Variants in TRAF7 observed in about 807,000 individuals in gnomAD.
The protein encoded by TRAF7 is TNF receptor associated factor 7, also known as E3 ubiquitin-protein ligase TRAF7.
Under a neutral mutation model 89.3 loss-of-function variants are expected in TRAF7, and 45 were observed. The observed-to-expected ratio is 0.50, with a 90% CI of 0.40 to 0.65. TRAF7 has a LOEUF of 0.65. Among genes scored for constraint, TRAF7 ranks in the 30% least tolerant of loss-of-function variants. TRAF7 has a pLI of 0.00. For synonymous variants in TRAF7, 406 were observed against 369.2 expected, an observed-to-expected ratio of 1.10 and a Z score of -1.14; for missense variants, 677 against 918.1, an observed-to-expected ratio of 0.74 and a Z score of 3.39.
rs200143137 is a variant in TRAF7 at position 2,167,931 on chromosome 16, TC to T, written c.140-143del. The T allele has an allele frequency of 2.0e-3, 1,347 of 670,730 alleles. 15 individuals are homozygous for T. The African/African-American group carries it at 0.021, about 11-fold the overall frequency. 41.5% of individuals were successfully genotyped at this position (670,730 alleles called of 1,614,324 possible). A position where few individuals can be genotyped will look rare whatever the true frequency, so the allele number is the denominator to read the frequency against. On this transcript the variant is annotated intron_variant, in intron 3 of 20. Coordinates refer to ENST00000326181, the MANE Select transcript of TRAF7 (RefSeq NM_032271.3). Reference sequence around the variant, plus strand: ...GGGAACCCAAGCTTCCCCCGTGCCATCCCTGCATGCTTTCCTGCCTGCCTGG... The same window carrying T: ...GGGAACCCAAGCTTCCCCCGTGCCATCCTGCATGCTTTCCTGCCTGCCTGG...
chr16:2,168,082 G>A lies in TRAF7; in HGVS notation c.145G>A (p.Gly49Arg), dbSNP rs745522760. 18 of 1,611,254 alleles carry A rather than the reference G, an allele frequency of 1.1e-5. No individual in the cohort carries two copies. The highest frequency in any genetic ancestry group is 4.5e-5 in the East Asian group (2 of 44,874). Residue 49 changes from glycine to arginine, a missense_variant, in exon 4 of 21, where the codon GGG becomes AGG. Around this residue, in one of 6 missense-constraint regions of TRAF7, gnomAD observed 240 missense variants for 191.9 expected, o/e 1.25. Transcript: ENST00000326181. The surrounding 1 kb of genome is among the most constrained non-coding windows in gnomAD (Gnocchi z 4.1). ...CCAGCCCTCTTGCCTTGCAGCTGAC[G>A]GGACCAGCACCTACAAGCAGCACTG... ...SAVTTITKAD[G>R]TSTYKQHCRT...
At chr16:2,173,862 C>CCCCCCCCCCCCCCCCCCG in intron 12 of TRAF7, 26 bp downstream of exon 12, 1 of 648,074 alleles carries the variant, frequency 1.5e-6, no homozygotes, top group Non-Finnish European at 2.7e-6. Context: ...CCGTGGCTCC[C>CCCCCCCCCCCCCCCCCCG]GCCCACCCTC....
At chr16:2,176,430 G>A (rs1334484206) in intron 20 of TRAF7, 46 bp downstream of exon 20, 1 of 1,611,992 alleles carries the variant, frequency 6.2e-7, no homozygotes, top group Non-Finnish European at 8.5e-7. Flanking sequence ...GCACAGGATG[G>A]AGCGGGGGTG....
At position 2,158,768 on chromosome 16, in the gene TRAF7, CGGG is replaced by C. The variant is rs71148123; in HGVS notation, c.-39+2921_-39+2923del. Among the ~76,000 whole-genome samples, 149 of 50,898 alleles carry C rather than the reference CGGG, an allele frequency of 2.9e-3. 1 individual carries two copies. Among genetic ancestry groups the C allele is most frequent in the African/African-American group, 0.012 (134 of 11,520 alleles). 33.4% of individuals were successfully genotyped at this position (50,898 alleles called of 152,430 possible). On this transcript the variant is annotated intron_variant, in intron 1 of 20. Coordinates refer to ENST00000326181, the MANE Select transcript of TRAF7 (RefSeq NM_032271.3). The surrounding 1 kb of genome is among the most constrained non-coding windows in gnomAD (Gnocchi z 4.7). ...GTGGGACTGGGAAGCGTGGGCTCGG[CGGG>C]GGGGGGGGGGACACTGCCACCCTTG...
intron 5 of TRAF7, 99 bp downstream of exon 5, chr16:2,170,829 G>A: frequency 8.5e-7 from 1 of 1,172,462 alleles, no homozygotes; most frequent in Non-Finnish European, 1.2e-6. Flanking sequence ...CCAGCTCACA[G>A]GGAGAGGGCG....
Position 2,159,471 on chromosome 16 carries a change from C to T in TRAF7, c.-39+3613C>T, listed in dbSNP as rs189804471. ...CGTTCTAAGGGACGTCAGGGAACAGCGGCGGAAGTGCGTGTGGCTTTGCTA... is the reference window on the plus strand; with the variant it reads ...CGTTCTAAGGGACGTCAGGGAACAGTGGCGGAAGTGCGTGTGGCTTTGCTA... On this transcript the variant is annotated intron_variant, in intron 1 of 20. Transcript: ENST00000326181. The surrounding 1 kb of genome is among the most constrained non-coding windows in gnomAD (Gnocchi z 6.5). 1.6e-4 allele frequency among the ~76,000 whole-genome samples: 24 copies of T among 152,300 alleles called. No homozygotes were observed. In the East Asian group the frequency reaches 4.6e-3, roughly 29 times the overall value.
rs1437970677 is a variant in TRAF7 at position 2,158,302 on chromosome 16, CT to C, written c.-39+2445del. On this transcript the variant is annotated intron_variant, in intron 1 of 20. Transcript: ENST00000326181. The surrounding 1 kb of genome is among the most constrained non-coding windows in gnomAD (Gnocchi z 4.7). ...CCCTTAGTCTTTGACAGATCCGCTG[CT>C]GTCCCCAGCCTTGCTCCCTGGAGGA... Among the ~76,000 whole-genome samples the C allele has an allele frequency of 6.6e-6, 1 of 152,228 alleles. No individual in the cohort carries two copies. Among genetic ancestry groups the C allele is most frequent in the Non-Finnish European group, 1.5e-5 (1 of 68,042 alleles).
intron 3 of TRAF7, among the ~76,000 whole-genome samples, chr16:2,167,478 G>A (rs968370477): frequency 6.6e-5 from 10 of 152,130 alleles, no homozygotes; most frequent in African/African-American, 2.4e-4. Flanking sequence ...GTGGGCAGGA[G>A]GAGGGAGGGC....
chr16:2,173,862 C>CCCCCCCCCCCCCCCCCCCGG, intron 12 of TRAF7, 26 bp downstream of exon 12: 1 of 648,072 alleles, frequency 1.5e-6, no homozygotes, highest in Non-Finnish European at 2.7e-6. Context: ...CCGTGGCTCC[C>CCCCCCCCCCCCCCCCCCCGG]GCCCACCCTC....
intron 14 of TRAF7, 107 bp from the exon 15 acceptor site, chr16:2,175,004 C>T (rs1475586177): frequency 7.9e-5 from 109 of 1,385,386 alleles, no homozygotes; most frequent in Non-Finnish European, 9.8e-5. Flanking sequence ...TGGCCCTGGG[C>T]CATGCTGCTG....
intron 1 of TRAF7, among the ~76,000 whole-genome samples, chr16:2,160,380 G>T (rs1277586998): frequency 5.3e-5 from 8 of 151,754 alleles, no homozygotes; most frequent in African/African-American, 1.2e-4. Context: ...TTCAAAGATC[G>T]AATACTCCTG....
chr16:2,159,744 C>G lies in TRAF7; in HGVS notation c.-39+3886C>G, dbSNP rs2093049874. Among the ~76,000 whole-genome samples, 1 of 152,212 alleles carries G rather than the reference C, an allele frequency of 6.6e-6. No homozygotes were observed. Among genetic ancestry groups the G allele is most frequent in the Non-Finnish European group, 1.5e-5 (1 of 68,022 alleles). Reference sequence around the variant, plus strand: ...GCAGTTGCAGGCCTCACAGGCACACCCACCCATGGCTTGCGCCCCACACAT... The same window carrying G: ...GCAGTTGCAGGCCTCACAGGCACACGCACCCATGGCTTGCGCCCCACACAT... On this transcript the variant is annotated intron_variant, in intron 1 of 20. Transcript: ENST00000326181. The surrounding 1 kb of genome is among the most constrained non-coding windows in gnomAD (Gnocchi z 6.5).
rs989138669 is a variant in TRAF7, at chr16:2,177,619, A to G, written c.*1045A>G. 18 of 236,588 alleles carry G rather than the reference A, an allele frequency of 7.6e-5. No homozygotes were observed. The highest frequency in any genetic ancestry group is 1.6e-4 in the Admixed American group (3 of 18,376). 14.7% of individuals were successfully genotyped at this position (236,588 alleles called of 1,614,324 possible). On this transcript the variant is annotated 3_prime_UTR_variant, in exon 21 of 21. Transcript: ENST00000326181. ...CCACTGGGGTGGATGGGCTGCCTGC[A>G]CAGCCCCTGGAGAGGGGGCCAGGCA...
At chr16:2,175,260 A>G (rs747631078) in intron 15 of TRAF7, 41 bp from the exon 16 acceptor site, 2 of 1,612,418 alleles carry the variant, frequency 1.2e-6, no homozygotes, top group East Asian at 2.2e-5. Flanking sequence ...TCCAGGTGGC[A>G]GGGCTTGGTG....
At position 2,171,592 on chromosome 16, in the gene TRAF7, C is replaced by T. The variant is rs34752687; in HGVS notation, c.462C>T (p.Cys154=). Residue 154 remains cysteine, a synonymous_variant, in exon 7 of 21, where the codon TGC becomes TGT. Coordinates refer to ENST00000326181, the MANE Select transcript of TRAF7 (RefSeq NM_032271.3). The part of the protein sequence containing the change: ...TTCGHTFCRR[C]ALKSEKCPVD... ...CACAGCACACGTTCTGTAGGAGATG[C>T]GCCTTGAAGTCAGGTAGGTTTGTGC... is the stretch of plus-strand genomic sequence containing the variant. 1.1e-3 allele frequency: 1,847 copies of T among 1,613,294 alleles called. 23 individuals carry two copies. In the African/African-American group the frequency reaches 0.021, roughly 18 times the overall value.
intron 12 of TRAF7, 23 bp downstream of exon 12, chr16:2,173,859 T>TTGGGGCCCCCC: frequency 8.0e-7 from 1 of 1,246,238 alleles, no homozygotes; most frequent in Non-Finnish European, 1.1e-6. Flanking sequence ...CCGCCGTGGC[T>TTGGGGCCCCCC]CCCGCCCACC....
chr16:2,158,431 C>A lies in TRAF7; in HGVS notation c.-39+2573C>A, dbSNP rs1445532563. Among the ~76,000 whole-genome samples, 1 of 152,186 alleles carries A rather than the reference C, an allele frequency of 6.6e-6. No homozygotes were observed. The highest frequency in any genetic ancestry group is 1.9e-4 in the East Asian group (1 of 5,190). ...ACACCCTCACCCGGCTGGAGGAAGCCGGCTGCCTGGAAACTCGGGGTGGAG... is the reference window on the plus strand; with the variant it reads ...ACACCCTCACCCGGCTGGAGGAAGCAGGCTGCCTGGAAACTCGGGGTGGAG... On this transcript the variant is annotated intron_variant, in intron 1 of 20. Transcript: ENST00000326181. This position sits in a 1 kb window ranked among gnomAD's most constrained non-coding sequence, Gnocchi z 4.7.
rs772543757 is a variant in TRAF7, at chr16:2,176,184, C to T, written c.1878+4C>T. On this transcript the variant is annotated splice_donor_region_variant and intron_variant, in intron 19 of 20. Coordinates refer to ENST00000326181, the MANE Select transcript of TRAF7 (RefSeq NM_032271.3). ...ATCCTACGACCGGTCCCTCAGGGTG[C>T]GTGCTGGCCCAGCGGTGGCAGGAGG... The T allele has an allele frequency of 6.2e-5, 99 of 1,603,974 alleles. No homozygotes were observed. Among genetic ancestry groups the T allele is most frequent in the Non-Finnish European group, 6.9e-5 (81 of 1,178,462 alleles).
At chr16:2,173,872 C>T in intron 12 of TRAF7, 36 bp downstream of exon 12, 3 of 1,605,020 alleles carry the variant, frequency 1.9e-6, no homozygotes, top group Non-Finnish European at 2.5e-6. Flanking sequence ...CGCCCACCCT[C>T]CCCCCCGGGC....
Sources: allele counts gnomAD v4.1 joint callset (sites outside exome capture counted in the v4.1 genomes callset), GRCh38; gene constraint gnomAD v4.1.1; regional missense constraint gnomAD v4.1.1; non-coding constraint Gnocchi (gnomAD v3.1); transcripts MANE v1.5; gene names NCBI Gene and HGNC (gene_info 2026-07-23, HGNC 2026-07-21).